Variants in PBX1 observed in about 807,000 individuals in gnomAD.
PBX1 encodes the protein pre-B-cell leukemia transcription factor 1.
PBX1 carries 6 observed loss-of-function variants against 53.4 expected under a neutral mutation model. That is an observed-to-expected ratio of 0.11 (90% CI 0.06 to 0.22). PBX1 has a LOEUF of 0.22. PBX1 is among the 10% of genes least tolerant of loss of function. PBX1 has a pLI of 1.00. For synonymous variants in PBX1, 204 were observed against 212.3 expected (o/e 0.96, Z 0.34); for missense variants, 251 against 551.4 (o/e 0.46, Z 5.46).
intron 2 of PBX1, among the ~76,000 whole-genome samples, chr1:164,789,504 G>A (rs150530387): frequency 1.5e-3 from 225 of 152,300 alleles, no homozygotes; most frequent in African/African-American, 5.2e-3. Flanking sequence ...AGTTTGGCTG[G>A]AGGAATAAGC....
chr1:164,611,459 C>T (rs1386297206), intron 2 of PBX1, among the ~76,000 whole-genome samples: 3 of 151,988 alleles, frequency 2.0e-5, no homozygotes, highest in African/African-American at 4.8e-5. Flanking sequence ...AGGATGGTCT[C>T]GATCTCCTGA....
intron 2 of PBX1, among the ~76,000 whole-genome samples, chr1:164,579,407 TTG>T (rs1297317260): frequency 2.0e-5 from 3 of 152,204 alleles, no homozygotes; most frequent in Non-Finnish European, 4.4e-5. Flanking sequence ...CTTTGAGGCC[TTG>T]TGTCATTAGA....
chr1:164,768,118 T>C (rs879760100), intron 2 of PBX1, among the ~76,000 whole-genome samples: 4 of 151,790 alleles, frequency 2.6e-5, no homozygotes, highest in African/African-American at 7.3e-5. Flanking sequence ...TGAAGGGACA[T>C]GAAAAGGGAG....
chr1:164,587,044 T>G (rs1255950270), intron 2 of PBX1, among the ~76,000 whole-genome samples: 1 of 152,168 alleles, frequency 6.6e-6, no homozygotes, highest in Non-Finnish European at 1.5e-5. Flanking sequence ...ACCAGCGAAA[T>G]AGCAAGCCCA....
At chr1:164,669,716 A>G (rs903091643) in intron 2 of PBX1, among the ~76,000 whole-genome samples, 2 of 152,192 alleles carry the variant, frequency 1.3e-5, no homozygotes, top group African/African-American at 4.8e-5. Flanking sequence ...TCTTAGCCCT[A>G]AACACATGTT....
In PBX1 at chr1:164,884,555, C is replaced by T. The variant is rs762186556; in HGVS notation, n.258-14633C>T. Reference sequence around the variant, plus strand: ...CCTTCTTACCAGGAAATTGCAAGAACCTATTGATGGCTTGGATGCTCTGGT... The same window carrying T: ...CCTTCTTACCAGGAAATTGCAAGAATCTATTGATGGCTTGGATGCTCTGGT... On this transcript the variant is annotated intron_variant and non_coding_transcript_variant, in intron 2 of 2. Transcript: ENST00000558796. The T allele has an allele frequency of 1.5e-4, 77 of 514,116 alleles. 1 individual carries two copies. The highest frequency in any genetic ancestry group is 1.1e-3 in the South Asian group (71 of 64,000). 31.8% of individuals were successfully genotyped at this position (514,116 alleles called of 1,614,324 possible). A position where few individuals can be genotyped will look rare whatever the true frequency, so the allele number is the denominator to read the frequency against.
At position 164,670,495 on chromosome 1, in the gene PBX1, C is replaced by T. The variant is rs569911399; in HGVS notation, c.265+107184C>T. Among the ~76,000 whole-genome samples, 5 of 152,242 alleles carry T rather than the reference C, an allele frequency of 3.3e-5. No homozygotes were observed. The South Asian group carries it at 1.0e-3, about 32-fold the overall frequency. The stretch of plus-strand genomic sequence containing the variant: ...TGTATTTATGGATTTAGGGGAAATC[C>T]ACCTATAGGCACTGCTGCTACGGCC... On this transcript the variant is annotated intron_variant, in intron 2 of 8. Transcript: ENST00000420696.
intron 2 of PBX1, chr1:164,642,598 AATTT>A (rs1001169450): frequency 2.6e-5 from 4 of 152,162 alleles, no homozygotes; most frequent in African/African-American, 7.2e-5. Context: ...GTTCAGTATG[AATTT>A]ATTTATTTGG....
At chr1:164,725,215 C>T (rs1374010776) in intron 2 of PBX1, among the ~76,000 whole-genome samples, 1 of 152,070 alleles carries the variant, frequency 6.6e-6, no homozygotes, top group Non-Finnish European at 1.5e-5. Flanking sequence ...TCTAGAGGGA[C>T]AAATGACTGG....
At chr1:164,616,724 G>C (rs1472906070) in intron 2 of PBX1, among the ~76,000 whole-genome samples, 1 of 152,120 alleles carries the variant, frequency 6.6e-6, no homozygotes, top group East Asian at 1.9e-4. Context: ...ACTTCAGAGG[G>C]AGCTGCATTT....
intron 2 of PBX1, among the ~76,000 whole-genome samples, chr1:164,754,090 G>T (rs1297377317): frequency 6.6e-6 from 1 of 152,160 alleles, no homozygotes; most frequent in Non-Finnish European, 1.5e-5. Flanking sequence ...AGCAGGTGGG[G>T]GACTTAGAGC....
intron 8 of PBX1, among the ~76,000 whole-genome samples, chr1:164,834,072 T>TG (rs1558035619): frequency 1.3e-5 from 2 of 149,954 alleles, no homozygotes; most frequent in South Asian, 2.2e-4. Flanking sequence ...TGTGTGTGTA[T>TG]TCAGAGCTCA....
At chr1:164,579,806 G>A (rs925628583) in intron 2 of PBX1, among the ~76,000 whole-genome samples, 19 of 152,146 alleles carry the variant, frequency 1.2e-4, no homozygotes, top group Admixed American at 9.2e-4. Flanking sequence ...GTATGAAACA[G>A]GAGCCCAGAA....
chr1:164,819,171 G>A (rs1312879834), intron 6 of PBX1: 2 of 152,120 alleles, frequency 1.3e-5, no homozygotes, highest in African/African-American at 4.8e-5. Flanking sequence ...TGCTTAGGTT[G>A]AATGTGGGCT....
intron 2 of PBX1, among the ~76,000 whole-genome samples, chr1:164,760,896 A>G (rs938845869): frequency 6.6e-6 from 1 of 152,196 alleles, no homozygotes; most frequent in Admixed American, 6.5e-5. Flanking sequence ...ATTGCTCCTT[A>G]GAGTACTTGG....
chr1:164,653,753 G>A (rs1659981062), intron 2 of PBX1, among the ~76,000 whole-genome samples: 1 of 152,158 alleles, frequency 6.6e-6, no homozygotes, highest in African/African-American at 2.4e-5. Context: ...CTGGGTAACA[G>A]AGTGAGGAGT....
At chr1:164,884,172 G>A (rs1672725468) in intron 2 of PBX1, among the ~76,000 whole-genome samples, 1 of 152,182 alleles carries the variant, frequency 6.6e-6, no homozygotes, top group South Asian at 2.1e-4. Flanking sequence ...GATTAAACAA[G>A]CTAATGTAGG....
intron 6 of PBX1, chr1:164,817,597 G>A (rs547035821): frequency 6.6e-5 from 10 of 152,332 alleles, no homozygotes; most frequent in African/African-American, 2.4e-4. Context: ...AAATGCACTT[G>A]TATATGAAGT....
chr1:164,591,675 A>C (rs1655392849), intron 2 of PBX1, among the ~76,000 whole-genome samples: 1 of 152,194 alleles, frequency 6.6e-6, no homozygotes, highest in African/African-American at 2.4e-5. Context: ...ATATTAAATA[A>C]TACAGTGACA....
Sources: allele counts gnomAD v4.1 joint callset (sites outside exome capture counted in the v4.1 genomes callset), GRCh38; gene constraint gnomAD v4.1.1; transcripts MANE v1.5; gene names NCBI Gene and HGNC (gene_info 2026-07-23, HGNC 2026-07-21).